Variants in ASIC2 observed in about 807,000 individuals in gnomAD.
ASIC2 encodes acid-sensing ion channel 2.
A neutral mutation model predicts 57.3 loss-of-function variants in ASIC2; 25 were observed. The ratio of observed to expected loss-of-function variants is 0.44; its 90% confidence interval spans 0.32 to 0.61. The LOEUF is 0.61. Among genes scored for constraint, ASIC2 ranks in the 20% least tolerant of loss-of-function variants. The probability of loss-of-function intolerance (pLI) is 0.06; values close to 1 mark genes in which losing one functional copy is unlikely to be tolerated. For missense variants in ASIC2, 641 were observed against 738.1 expected (o/e 0.87, Z 1.52); for synonymous variants, 319 against 307.5 (o/e 1.04, Z -0.39).
chr17:33,890,919 A>AT (rs11370736), intron 1 of ASIC2, among the ~76,000 whole-genome samples: 6 of 152,176 alleles, frequency 3.9e-5, no homozygotes, highest in African/African-American at 7.2e-5. Flanking sequence ...CTTGGTAAGC[A>AT]GCAGACACTC....
chr17:33,820,088 TAGC>T (rs1912702170), intron 1 of ASIC2, among the ~76,000 whole-genome samples: 2 of 152,222 alleles, frequency 1.3e-5, no homozygotes, highest in Admixed American at 1.3e-4. Flanking sequence ...TGTCCACATG[TAGC>T]TGTTGGGAGC....
At chr17:34,002,421 C>T (rs1205068823) in intron 1 of ASIC2, 1 of 152,162 alleles carries the variant, frequency 6.6e-6, no homozygotes, top group Non-Finnish European at 1.5e-5. Context: ...CAGATTTTTC[C>T]CAACATTTAA....
intron 7 of ASIC2, among the ~76,000 whole-genome samples, chr17:33,020,645 G>A (rs1316895183): frequency 2.0e-5 from 3 of 152,198 alleles, no homozygotes; most frequent in Admixed American, 6.5e-5. Context: ...GCGAACTTTT[G>A]TGGGGTGGCA....
intron 1 of ASIC2, among the ~76,000 whole-genome samples, chr17:33,181,655 T>C (rs981863215): frequency 6.6e-6 from 1 of 152,218 alleles, no homozygotes; most frequent in Admixed American, 6.5e-5. Flanking sequence ...CACCAGTCAT[T>C]GGACCTGGGC....
Position 34,153,262 on chromosome 17 carries a change from A to T in ASIC2, c.555+2716T>A, listed in dbSNP as rs910108739. ...CCCCTTGTGACATCCCTTCCCCCAT[A>T]CTTAACTTCTCTAATAAGTCAGCCA... is the stretch of plus-strand genomic sequence containing the variant. On this transcript the variant is annotated intron_variant, in intron 1 of 9. Coordinates refer to the ASIC2 transcript ENST00000359872. Among the ~76,000 whole-genome samples, 10 of 152,202 alleles carry T rather than the reference A, an allele frequency of 6.6e-5. 1 individual carries two copies. The highest frequency in any genetic ancestry group is 1.9e-4 in the African/African-American group (8 of 41,448).
chr17:33,914,101 G>A (rs1164244485), intron 1 of ASIC2, among the ~76,000 whole-genome samples: 1 of 152,186 alleles, frequency 6.6e-6, no homozygotes, highest in African/African-American at 2.4e-5. Flanking sequence ...GCAGTTTCAA[G>A]GTGATGCACA....
intron 3 of ASIC2, among the ~76,000 whole-genome samples, chr17:33,033,661 A>ATT (rs1187340318): frequency 2.6e-4 from 39 of 152,298 alleles, no homozygotes; most frequent in African/African-American, 9.4e-4. Flanking sequence ...GCCATGAATG[A>ATT]CAGCAGGAGG....
chr17:34,109,199 T>G (rs1156923378), intron 1 of ASIC2, among the ~76,000 whole-genome samples: 1 of 152,144 alleles, frequency 6.6e-6, no homozygotes, highest in Non-Finnish European at 1.5e-5. Flanking sequence ...CTTCTGTAAC[T>G]TATTATTTTG....
chr17:33,354,617 C>A (rs369932514), intron 1 of ASIC2, among the ~76,000 whole-genome samples: 41 of 152,138 alleles, frequency 2.7e-4, no homozygotes, highest in African/African-American at 9.4e-4. Context: ...TTCCTTCCCA[C>A]TCCAGCCTGG....
intron 1 of ASIC2, among the ~76,000 whole-genome samples, chr17:33,145,972 T>C (rs1904544212): frequency 6.6e-6 from 1 of 152,218 alleles, no homozygotes; most frequent in Non-Finnish European, 1.5e-5. Flanking sequence ...TGGAGATCCA[T>C]GGCCAGGTGG....
intron 1 of ASIC2, among the ~76,000 whole-genome samples, chr17:34,058,737 G>T (rs1295448763): frequency 6.6e-6 from 1 of 152,156 alleles, no homozygotes; most frequent in South Asian, 2.1e-4. Context: ...CTTAAGATAG[G>T]AGGGGAGGGG....
At chr17:33,548,677 C>G (rs1915654300) in intron 1 of ASIC2, among the ~76,000 whole-genome samples, 1 of 152,118 alleles carries the variant, frequency 6.6e-6, no homozygotes, top group African/African-American at 2.4e-5. Flanking sequence ...TTCCAAATCC[C>G]TACTATCTGG....
chr17:33,682,710 CT>C (rs1158713586), intron 1 of ASIC2, among the ~76,000 whole-genome samples: 1 of 151,832 alleles, frequency 6.6e-6, no homozygotes, highest in Non-Finnish European at 1.5e-5. Context: ...TTAAGTATGC[CT>C]TGCTTGGGAT....
intron 1 of ASIC2, among the ~76,000 whole-genome samples, chr17:33,804,468 G>A (rs1419341486): frequency 2.6e-5 from 4 of 152,098 alleles, no homozygotes; most frequent in Non-Finnish European, 5.9e-5. Flanking sequence ...CCAGTATATC[G>A]ATGATGAAGG....
intron 1 of ASIC2, among the ~76,000 whole-genome samples, chr17:33,578,589 G>C (rs910632812): frequency 6.6e-6 from 1 of 152,078 alleles, no homozygotes; most frequent in Non-Finnish European, 1.5e-5. Context: ...GGAAGCCTTT[G>C]CCTATTCTTG....
At chr17:33,860,605 A>T (rs1351523310) in intron 1 of ASIC2, among the ~76,000 whole-genome samples, 3 of 152,200 alleles carry the variant, frequency 2.0e-5, no homozygotes, top group Non-Finnish European at 2.9e-5. Flanking sequence ...CCTCAAGTAA[A>T]AAAGATTGGC....
intron 1 of ASIC2, among the ~76,000 whole-genome samples, chr17:33,134,985 G>A (rs550143698): frequency 1.3e-5 from 2 of 152,202 alleles, no homozygotes; most frequent in African/African-American, 4.8e-5. Flanking sequence ...CTGGAGGTGA[G>A]AGGGGGTCTT....
At chr17:33,228,179 A>G (rs1443327605) in intron 1 of ASIC2, among the ~76,000 whole-genome samples, 3 of 152,234 alleles carry the variant, frequency 2.0e-5, no homozygotes, top group Admixed American at 2.0e-4. Flanking sequence ...TTCAAAACCC[A>G]GATAGAACGA....
At chr17:34,065,646 GGGCAAA>G (rs1476360841) in intron 1 of ASIC2, among the ~76,000 whole-genome samples, 1 of 152,230 alleles carries the variant, frequency 6.6e-6, no homozygotes, top group East Asian at 1.9e-4. Flanking sequence ...TTTCTGCCCA[GGGCAAA>G]CTTTCACAAC....
Sources: allele counts gnomAD v4.1 joint callset (sites outside exome capture counted in the v4.1 genomes callset), GRCh38; gene constraint gnomAD v4.1.1; transcripts MANE v1.5; gene names NCBI Gene and HGNC (gene_info 2026-07-23, HGNC 2026-07-21).